Variants in PLSCR2 observed in about 807,000 individuals in gnomAD.
The protein encoded by PLSCR2 is phospholipid scramblase 2, also known as PL scramblase 2.
In PLSCR2, 18 loss-of-function variants were observed where a neutral mutation model predicts 25.3. The ratio of observed to expected loss-of-function variants is 0.71; its 90% CI spans 0.49 to 1.06. The LOEUF (loss-of-function observed/expected upper bound fraction) is 1.06. Ranked by LOEUF, PLSCR2 falls within the 50% of genes least tolerant of loss-of-function variation. The probability of loss-of-function intolerance (pLI) is 0.00; values close to 1 mark genes in which losing one functional copy is unlikely to be tolerated. For missense variants in PLSCR2, 243 were observed against 269.5 expected, an observed-to-expected ratio of 0.90 and a Z score of 0.69; for synonymous variants, 88 against 87.3, an observed-to-expected ratio of 1.01 and a Z score of -0.04.
intron 6 of PLSCR2, 134 bp downstream of exon 6, chr3:146,449,072 C>T (rs528632943): frequency 1.9e-4 from 125 of 670,096 alleles, no homozygotes; most frequent in Non-Finnish European, 2.3e-4. Context: ...AATTTCAGTG[C>T]GGGGATTAAA....
At chr3:146,476,295 C>A (rs1011621391) in intron 1 of PLSCR2, among the ~76,000 whole-genome samples, 1 of 152,198 alleles carries the variant, frequency 6.6e-6, no homozygotes, top group Non-Finnish European at 1.5e-5. Context: ...CCACATGGGG[C>A]AGGGGGAGCT....
intron 1 of PLSCR2, among the ~76,000 whole-genome samples, chr3:146,472,048 T>C (rs1056602175): frequency 2.0e-5 from 3 of 152,244 alleles, no homozygotes; most frequent in African/African-American, 4.8e-5. Context: ...TTCCTTTACG[T>C]CTATTCCTTA....
downstream of PLSCR2, among the ~76,000 whole-genome samples, chr3:146,430,264 A>G (rs1289962861): frequency 6.6e-6 from 1 of 152,190 alleles, no homozygotes; most frequent in African/African-American, 2.4e-5. Flanking sequence ...AAACAGACTA[A>G]TACAGGTAGA....
intron 1 of PLSCR2, among the ~76,000 whole-genome samples, chr3:146,492,610 T>TA (rs969152332): frequency 1.3e-5 from 2 of 151,792 alleles, no homozygotes; most frequent in East Asian, 3.9e-4. Flanking sequence ...AAAACAAAGA[T>TA]AAAACACACC....
At chr3:146,438,661 T>C (rs1211077892), downstream of PLSCR2, among the ~76,000 whole-genome samples, 2 of 152,196 alleles carry the variant, frequency 1.3e-5, no homozygotes, top group Non-Finnish European at 2.9e-5. Context: ...TTTGAGCCTA[T>C]GTGTGTCTCT....
chr3:146,485,511 C>T (rs1010902786), intron 1 of PLSCR2, among the ~76,000 whole-genome samples: 1 of 152,064 alleles, frequency 6.6e-6, no homozygotes, highest in Non-Finnish European at 1.5e-5. Context: ...CTTCTTAGTG[C>T]CACATGACTC....
At chr3:146,397,952 A>T (rs951510216) in intron 2 of PLSCR2, among the ~76,000 whole-genome samples, 16 of 152,098 alleles carry the variant, frequency 1.1e-4, no homozygotes, top group Non-Finnish European at 2.1e-4. Flanking sequence ...ATGAATTGAC[A>T]TAATTCTAAG....
chr3:146,432,906 A>G (rs997256500), downstream of PLSCR2, among the ~76,000 whole-genome samples: 1 of 152,176 alleles, frequency 6.6e-6, no homozygotes, highest in African/African-American at 2.4e-5. Context: ...TTTAAAGACT[A>G]TAGTATGTCT....
At chr3:146,449,084 G>A (rs2040736242) in intron 6 of PLSCR2, 122 bp downstream of exon 6, 6 of 761,046 alleles carry the variant, frequency 7.9e-6, no homozygotes, top group South Asian at 1.9e-5. Context: ...GGGATTAAAT[G>A]AGAACATTTT....
At chr3:146,424,523 G>A (rs2039269522) in intron 2 of PLSCR2, among the ~76,000 whole-genome samples, 1 of 152,140 alleles carries the variant, frequency 6.6e-6, no homozygotes, top group South Asian at 2.1e-4. Context: ...CATGAAGTTT[G>A]TGGTAGATGG....
chr3:146,463,752 A>G (rs115926678), upstream of PLSCR2: 678 of 461,784 alleles, frequency 1.5e-3, 4 homozygotes, highest in African/African-American at 0.014. Flanking sequence ...CTACTGTGCA[A>G]TCCTAAGTGG....
intron 1 of PLSCR2, among the ~76,000 whole-genome samples, chr3:146,483,509 A>ATACATGTGTATATATATATAT (rs1553791539): frequency 7.9e-6 from 1 of 127,072 alleles, no homozygotes; most frequent in Non-Finnish European, 1.7e-5. Context: ...ATATATATAT[A>ATACATGTGTATATATATATAT]ATGTTACTAC....
chr3:146,449,101 C>A (rs1368973617), intron 6 of PLSCR2, 105 bp downstream of exon 6: 2 of 858,926 alleles, frequency 2.3e-6, no homozygotes, highest in South Asian at 1.7e-5. Context: ...TTTTATAAAA[C>A]CTTTACACTT....
chr3:146,463,188 CT>C (rs1012440659), upstream of PLSCR2, among the ~76,000 whole-genome samples: 7 of 152,126 alleles, frequency 4.6e-5, no homozygotes, highest in East Asian at 1.4e-3. Flanking sequence ...CTTGGTATTT[CT>C]TTTTTTTCTT....
At chr3:146,406,182 T>C (rs1317342564) in intron 2 of PLSCR2, among the ~76,000 whole-genome samples, 1 of 152,232 alleles carries the variant, frequency 6.6e-6, no homozygotes, top group African/African-American at 2.4e-5. Context: ...GTGGTTGATC[T>C]CTTAGAGCAG....
At position 146,423,804 on chromosome 3, in the gene PLSCR2, C is replaced by T. The variant is rs80004910; in HGVS notation, c.101-27883G>A. The stretch of plus-strand genomic sequence containing the variant: ...TGGTTTTAAAGATGGAAGGAGGCCA[C>T]AAGTCAAGAAACAGAGGTGGTCTCT... On this transcript the variant is annotated intron_variant and NMD_transcript_variant, in intron 2 of 3. Coordinates refer to the PLSCR2 transcript ENST00000463633. Among the ~76,000 whole-genome samples, 23 of 152,084 alleles carry T rather than the reference C, an allele frequency of 1.5e-4. No individual in the cohort carries two copies. In the East Asian group the frequency reaches 4.1e-3, roughly 27 times the overall value.
chr3:146,413,085 C>T (rs1280450935), intron 2 of PLSCR2, among the ~76,000 whole-genome samples: 1 of 152,102 alleles, frequency 6.6e-6, no homozygotes, highest in Non-Finnish European at 1.5e-5. Context: ...ACATGGAGTT[C>T]CTTATATTTA....
At chr3:146,482,996 T>A (rs951441888) in intron 1 of PLSCR2, among the ~76,000 whole-genome samples, 3 of 151,260 alleles carry the variant, frequency 2.0e-5, no homozygotes, top group Non-Finnish European at 3.0e-5. Context: ...AACACCATAG[T>A]GTTGGAAGTT....
intron 4 of PLSCR2, among the ~76,000 whole-genome samples, chr3:146,454,907 T>A (rs1364341506): frequency 6.6e-6 from 1 of 152,188 alleles, no homozygotes; most frequent in East Asian, 1.9e-4. Flanking sequence ...ATATTTTCAA[T>A]GGTGCAACTC....
Sources: gnomAD v4.1 joint callset for allele counts (sites outside exome capture counted in the v4.1 genomes callset) on GRCh38, gnomAD v4.1.1 for gene constraint, MANE v1.5 for transcripts, NCBI Gene and HGNC (gene_info 2026-07-23, HGNC 2026-07-21) for gene names.